ASB3: variants seen among roughly 807,000 people sequenced by gnomAD.
The protein encoded by ASB3 is ankyrin repeat and SOCS box containing 3.
In ASB3, 41 loss-of-function variants were observed where a neutral mutation model predicts 54.5. The ratio of observed to expected loss-of-function variants is 0.75; its 90% CI spans 0.59 to 0.98. The LOEUF is 0.98. ASB3 is among the 50% of genes least tolerant of loss of function. The pLI is 0.00. For missense variants in ASB3, 733 were observed against 620.0 expected (o/e 1.18, Z -1.94); for synonymous variants, 266 against 221.2 (o/e 1.20, Z -1.80).
rs1256383847 is a variant in ASB3 at position 53,750,815 on chromosome 2, G to A, written c.323C>T (p.Thr108Ile). The A allele has an allele frequency of 3.1e-6, 5 of 1,589,628 alleles. No individual in the cohort carries two copies. Among genetic ancestry groups the A allele is most frequent in the Non-Finnish European group, 3.4e-6 (4 of 1,169,402 alleles). The part of the protein sequence containing the change: ...LLEAGADPNA[T>I]TLEETTPLFL... ...CAATGGTGTCGTTTCTTCTAAAGTA[G>A]TTGCATTAGGATCTGCCCCAGCTTC... Residue 108 changes from threonine (T) to isoleucine (I), a missense_variant, in exon 3 of 10, where the codon ACT (threonine) becomes ATT (isoleucine). Coordinates refer to ENST00000263634, the MANE Select transcript of ASB3 (RefSeq NM_016115.5).
chr2:53,686,108 A>G (rs929746426), intron 9 of ASB3, among the ~76,000 whole-genome samples: 4 of 152,182 alleles, frequency 2.6e-5, no homozygotes. Context: ...CCCTTTCTGA[A>G]GTATCATGGA....
intron 2 of ASB3, among the ~76,000 whole-genome samples, chr2:53,759,197 C>T (rs1486960600): frequency 6.6e-6 from 1 of 152,172 alleles, no homozygotes; most frequent in Non-Finnish European, 1.5e-5. Context: ...TAGACCCTCA[C>T]TGGGACGCAA....
intron 1 of ASB3, among the ~76,000 whole-genome samples, chr2:53,783,454 A>G (rs1048165927): frequency 1.3e-5 from 2 of 152,222 alleles, no homozygotes; most frequent in Non-Finnish European, 2.9e-5. Context: ...CAAGAACATA[A>G]TTAAAGAAAT....
At chr2:53,682,789 G>A (rs960711410) in intron 9 of ASB3, among the ~76,000 whole-genome samples, 40 of 152,056 alleles carry the variant, frequency 2.6e-4, no homozygotes, top group Non-Finnish European at 4.9e-4. Context: ...TTCACTGCTG[G>A]CATAAATAAA....
At chr2:53,711,684 G>T (rs1187769988) in intron 7 of ASB3, among the ~76,000 whole-genome samples, 3 of 151,964 alleles carry the variant, frequency 2.0e-5, no homozygotes, top group Admixed American at 6.6e-5. Context: ...TGAGACAAGA[G>T]AATCACTTGA....
At chr2:53,781,775 G>A (rs1461484791) in intron 1 of ASB3, among the ~76,000 whole-genome samples, 4 of 152,106 alleles carry the variant, frequency 2.6e-5, no homozygotes, top group East Asian at 3.9e-4. Flanking sequence ...GATTACAGGC[G>A]TGAGCCACCA....
At chr2:53,728,986 T>A in intron 4 of ASB3, 139 bp from the exon 5 acceptor site, 1 of 940,160 alleles carries the variant, frequency 1.1e-6, no homozygotes, top group Non-Finnish European at 1.5e-6. Flanking sequence ...AGTATACTGC[T>A]GTATTAGTTG....
In ASB3 at chr2:53,757,362, G is replaced by A. The variant is rs540626754; in HGVS notation, c.197-6421C>T. Among the ~76,000 whole-genome samples the A allele has an allele frequency of 2.5e-4, 38 of 152,300 alleles. No homozygotes were observed. The East Asian group carries it at 4.8e-3, about 19-fold the overall frequency. ...TGCTTTCAATTTTCCTGGGGAGGCCGAGGGCCGACTAGAGGCAGAAAGCTG... is the reference window on the plus strand; with the variant it reads ...TGCTTTCAATTTTCCTGGGGAGGCCAAGGGCCGACTAGAGGCAGAAAGCTG... On this transcript the variant is annotated intron_variant, in intron 2 of 9. Coordinates refer to ENST00000263634, the MANE Select transcript of ASB3 (RefSeq NM_016115.5).
chr2:53,731,077 T>G (rs1671280224), intron 3 of ASB3, among the ~76,000 whole-genome samples: 1 of 152,180 alleles, frequency 6.6e-6, no homozygotes, highest in African/African-American at 2.4e-5. Flanking sequence ...CAAAGCTTAT[T>G]TCCCCTATAA....
intron 7 of ASB3, among the ~76,000 whole-genome samples, chr2:53,709,254 C>A (rs1228242009): frequency 6.6e-6 from 1 of 152,184 alleles, no homozygotes; most frequent in Non-Finnish European, 1.5e-5. Flanking sequence ...CTCAAAGGGG[C>A]CCAGGTACAG....
chr2:53,680,108 T>A lies in ASB3; in HGVS notation c.1370-9418A>T, dbSNP rs564518711. Among the ~76,000 whole-genome samples, 6 of 152,330 alleles carry A rather than the reference T, an allele frequency of 3.9e-5. No individual in the cohort carries two copies. The East Asian group carries it at 1.2e-3, about 29-fold the overall frequency. On this transcript the variant is annotated intron_variant, in intron 9 of 9. Coordinates refer to ENST00000263634, the MANE Select transcript of ASB3 (RefSeq NM_016115.5). ...TTTATGGCTGCATTCTAATCCATGG[T>A]GCGTATGTACCACATTTTCTTTATG...
chr2:53,719,180 C>T (rs965188533), intron 5 of ASB3, among the ~76,000 whole-genome samples: 1 of 152,180 alleles, frequency 6.6e-6, no homozygotes, highest in African/African-American at 2.4e-5. Context: ...ACCTCGGCCT[C>T]CCAAAGTGCT....
chr2:53,708,008 A>C (rs1669885370), intron 7 of ASB3, among the ~76,000 whole-genome samples: 1 of 151,990 alleles, frequency 6.6e-6, no homozygotes, highest in African/African-American at 2.4e-5. Flanking sequence ...AAGAAAAAGA[A>C]AGAAATGCAG....
intron 5 of ASB3, among the ~76,000 whole-genome samples, chr2:53,725,412 T>C (rs568020141): frequency 6.6e-6 from 1 of 152,174 alleles, no homozygotes; most frequent in Admixed American, 6.5e-5. Context: ...GTAACAAACC[T>C]GCATGCATAC....
intron 7 of ASB3, among the ~76,000 whole-genome samples, chr2:53,704,991 T>C (rs1364075990): frequency 6.6e-6 from 1 of 152,198 alleles, no homozygotes; most frequent in Non-Finnish European, 1.5e-5. Context: ...TATTTCACAT[T>C]GACCTGTGAT....
chr2:53,700,158 T>C (rs980921006), intron 8 of ASB3, 113 bp downstream of exon 8: 16 of 1,484,664 alleles, frequency 1.1e-5, no homozygotes, highest in African/African-American at 1.4e-5. Flanking sequence ...AATTCAGCCA[T>C]CACAGTCAAA....
rs75282173 is a variant in ASB3, at chr2:53,715,242, A to G, written c.783-661T>C. The stretch of plus-strand genomic sequence containing the variant: ...TTAGGTTATTTGTAAACTTACCTCT[A>G]GCAGTCAACTGGAAAGAAAAAAGGA... On this transcript the variant is annotated intron_variant, in intron 6 of 9. Transcript: ENST00000263634. Among the ~76,000 whole-genome samples, 39 of 152,320 alleles carry G rather than the reference A, an allele frequency of 2.6e-4. No homozygotes were observed. In the East Asian group the frequency reaches 6.2e-3, roughly 24 times the overall value.
rs529798132 is a variant in ASB3, at chr2:53,692,148, T to C, written c.1369+1736A>G. The stretch of plus-strand genomic sequence containing the variant: ...AAAAATGTCTGCAGACATTGCCAAA[T>C]GTCTACAGGGGGGGCAAAAATCACC... On this transcript the variant is annotated intron_variant, in intron 9 of 9. Coordinates refer to ENST00000263634, the MANE Select transcript of ASB3 (RefSeq NM_016115.5). Among the ~76,000 whole-genome samples the C allele has an allele frequency of 6.6e-5, 10 of 152,088 alleles. No individual in the cohort carries two copies. In the South Asian group the frequency reaches 1.9e-3, roughly 28 times the overall value.
rs539674665 is a variant in ASB3 at position 53,714,086 on chromosome 2, T to C, written c.980+298A>G. 4.6e-5 allele frequency among the ~76,000 whole-genome samples: 7 copies of C among 152,306 alleles called. No individual in the cohort carries two copies. The South Asian group carries it at 8.3e-4, about 18-fold the overall frequency. Reference sequence around the variant, plus strand: ...CCCCATTTTTAATTCTTGAATTGTTTTGAAGACCAAAAATATCAGCAAATT... The same window carrying C: ...CCCCATTTTTAATTCTTGAATTGTTCTGAAGACCAAAAATATCAGCAAATT... On this transcript the variant is annotated intron_variant, in intron 7 of 9. Transcript: ENST00000263634.
Sources: gnomAD v4.1 joint callset for allele counts (sites outside exome capture counted in the v4.1 genomes callset) on GRCh38, gnomAD v4.1.1 for gene constraint, MANE v1.5 for transcripts, NCBI Gene and HGNC (gene_info 2026-07-23, HGNC 2026-07-21) for gene names.